The following KIF11 variants were observed in gnomAD, a reference collection of about 807,000 sequenced individuals.
KIF11 encodes kinesin-like protein KIF11.
In KIF11, 9 loss-of-function variants were observed where a neutral mutation model predicts 121.0. The observed-to-expected ratio is 0.07, with a 90% CI of 0.04 to 0.13. KIF11 has a LOEUF of 0.13. Among genes scored for constraint, KIF11 ranks in the 10% least tolerant of loss-of-function variants. The pLI, the probability that KIF11 is intolerant of heterozygous loss-of-function variation, is 1.00. For missense variants in KIF11, 846 were observed against 1,217.5 expected (o/e 0.69, Z 4.54); for synonymous variants, 408 against 421.0 (o/e 0.97, Z 0.38).
chr10:92,606,322 T>C lies in KIF11; in HGVS notation c.135T>C (p.Pro45=). The change falls in exon 2 of 22, where the codon CCT becomes CCC. Residue 45 remains proline (P), a synonymous_variant. Transcript: ENST00000260731. ...ASAHSIVECD[P]VRKEVSVRTG... is the part of the protein sequence containing the mutation. ...CCCATTCAATAGTAGAATGTGATCC[T>C]GTACGAAAAGAAGTTAGTGTACGAA... 6 of 1,612,214 alleles carry C rather than the reference T, an allele frequency of 3.7e-6. No homozygotes were observed. Among genetic ancestry groups the C allele is most frequent in the South Asian group, 1.1e-5 (1 of 90,604 alleles).
intron 19 of KIF11, 26 bp downstream of exon 19, chr10:92,648,460 T>C: frequency 1.4e-6 from 2 of 1,454,182 alleles, no homozygotes; most frequent in Non-Finnish European, 9.4e-7. Context: ...AATAGAATTG[T>C]TAAATTTTTT....
At chr10:92,594,601 A>T (rs765706220) in intron 1 of KIF11, among the ~76,000 whole-genome samples, 7 of 152,216 alleles carry the variant, frequency 4.6e-5, no homozygotes, top group Non-Finnish European at 1.0e-4. Context: ...TGTTAGTTAC[A>T]AAATATTTCA....
chr10:92,617,004 A>G (rs1045429543), intron 9 of KIF11, among the ~76,000 whole-genome samples, 172 bp downstream of exon 9: 17 of 152,198 alleles, frequency 1.1e-4, no homozygotes, highest in Non-Finnish European at 2.1e-4. Flanking sequence ...TTCTAATGCT[A>G]GTATGTTGAC....
At chr10:92,620,369 C>T (rs1376777726) in intron 9 of KIF11, among the ~76,000 whole-genome samples, 5 of 152,216 alleles carry the variant, frequency 3.3e-5, no homozygotes, top group South Asian at 2.1e-4. Context: ...CGTGAGCCAC[C>T]GCGTCCGGCC....
In KIF11 at chr10:92,655,336, T is replaced by G. The variant is rs1845035133; in HGVS notation, c.*1540T>G. ...ATCAGATGTCAGCATAAGCGATGGA[T>G]AATACCTAATAAACTGCCCTCAGTA... On this transcript the variant is annotated 3_prime_UTR_variant, in exon 22 of 22. Transcript: ENST00000260731. The G allele has an allele frequency of 6.6e-6, 1 of 152,224 alleles. No homozygotes were observed. Among genetic ancestry groups the G allele is most frequent in the Admixed American group, 6.5e-5 (1 of 15,280 alleles). The allele number at this position is 152,224 out of a possible 1,614,324, so 9.4% of individuals were successfully genotyped here.
Position 92,639,883 on chromosome 10 carries a change from C to T in KIF11, c.2250C>T (p.Val750=), listed in dbSNP as rs773845590. The stretch of plus-strand genomic sequence containing the variant: ...ATATACAGAAACCACTTAGTAGTGT[C>T]CAGGAAAATATACAGCAGTAAGCTA... ...CENIQKPLSS[V]QENIQQKSKD... Residue 750 remains valine (V), a synonymous_variant, in exon 17 of 22, where the codon GTC becomes GTT. Transcript: ENST00000260731. The T allele has an allele frequency of 6.3e-7, 1 of 1,581,894 alleles. No homozygotes were observed. Among genetic ancestry groups the T allele is most frequent in the South Asian group, 1.1e-5 (1 of 89,582 alleles).
At chr10:92,620,102 A>T (rs1844601488) in intron 9 of KIF11, among the ~76,000 whole-genome samples, 1 of 131,546 alleles carries the variant, frequency 7.6e-6, no homozygotes, top group African/African-American at 2.9e-5. Context: ...TTTTTTTGAG[A>T]CGGAGTCTCG....
chr10:92,647,440 TTA>T (rs1001522785), intron 18 of KIF11, among the ~76,000 whole-genome samples: 5 of 152,180 alleles, frequency 3.3e-5, no homozygotes, highest in African/African-American at 1.2e-4. Flanking sequence ...GGATGATAAA[TTA>T]TATAGTCACC....
intron 10 of KIF11, among the ~76,000 whole-genome samples, chr10:92,624,218 T>A (rs2135911244): frequency 6.6e-6 from 1 of 150,726 alleles, no homozygotes. Context: ...GCAAAGAACA[T>A]GATCTCATTC....
Position 92,653,843 on chromosome 10 carries a change from AAAACCTG to A in KIF11, c.*53_*59del. On this transcript the variant is annotated 3_prime_UTR_variant, in exon 22 of 22. Transcript: ENST00000260731. The stretch of plus-strand genomic sequence containing the variant: ...TTATTTTTAAAGAAAACTTAAAAAT[AAAACCTG>A]AAACCCCAGAACTTGAGCCTTGTGT... 6.5e-7 allele frequency: 1 copy of A among 1,540,334 alleles called. No individual in the cohort carries two copies. The highest frequency in any genetic ancestry group is 8.9e-7 in the Non-Finnish European group (1 of 1,126,836).
intron 14 of KIF11, among the ~76,000 whole-genome samples, chr10:92,634,680 T>C (rs1156625077): frequency 6.6e-6 from 1 of 152,224 alleles, no homozygotes. Context: ...TTTTCACTCA[T>C]GTCTTGTAAC....
chr10:92,647,662 G>A (rs1316858652), intron 18 of KIF11, among the ~76,000 whole-genome samples: 1 of 152,126 alleles, frequency 6.6e-6, no homozygotes, highest in Non-Finnish European at 1.5e-5. Context: ...AAATGATACA[G>A]GATTTGTTTC....
chr10:92,594,229 T>C (rs1844266993), intron 1 of KIF11, among the ~76,000 whole-genome samples: 1 of 152,252 alleles, frequency 6.6e-6, no homozygotes, highest in African/African-American at 2.4e-5. Context: ...CTGTTGCAAC[T>C]TTTCTGTAAA....
At chr10:92,650,605 C>A in intron 21 of KIF11, 88 bp downstream of exon 21, 1 of 751,758 alleles carries the variant, frequency 1.3e-6, no homozygotes. Context: ...GTGAGCAGAA[C>A]AACAAAAACC....
At position 92,641,965 on chromosome 10, in the gene KIF11, T is replaced by C. The variant is rs148626814; in HGVS notation, c.2267+2065T>C. Among the ~76,000 whole-genome samples the C allele has an allele frequency of 6.6e-3, 1,007 of 152,310 alleles. 10 individuals are homozygous for C. Among genetic ancestry groups the C allele is most frequent in the African/African-American group, 0.023 (958 of 41,582 alleles). On this transcript the variant is annotated intron_variant, in intron 17 of 21. Transcript: ENST00000260731. ...TTCAATGAGGTGTTTTTTCAGTTATTGCTTTTTTATTTTTAGTTTTATAAT... is the reference window on the plus strand; with the variant it reads ...TTCAATGAGGTGTTTTTTCAGTTATCGCTTTTTTATTTTTAGTTTTATAAT...
In KIF11 at chr10:92,593,326, C is replaced by G; in HGVS notation, c.-50C>G. ...TCGGCCGCCAAGCCCCTCCGCCCCT[C>G]ACAGCGCCCAGGTCCGCGGCCGGGC... is the stretch of plus-strand genomic sequence containing the variant. On this transcript the variant is annotated 5_prime_UTR_variant, in exon 1 of 22. Coordinates refer to ENST00000260731, the MANE Select transcript of KIF11 (RefSeq NM_004523.4). 1.3e-6 allele frequency: 2 copies of G among 1,562,580 alleles called. No individual in the cohort carries two copies. The highest frequency in any genetic ancestry group is 1.7e-6 in the Non-Finnish European group (2 of 1,151,958).
At chr10:92,612,090 A>G (rs1490624215) in intron 6 of KIF11, among the ~76,000 whole-genome samples, 1 of 151,652 alleles carries the variant, frequency 6.6e-6, no homozygotes, top group East Asian at 1.9e-4. Context: ...GATAAAAAGC[A>G]CAGTATTTGT....
At chr10:92,624,222 C>A (rs1341804837) in intron 10 of KIF11, among the ~76,000 whole-genome samples, 1 of 143,816 alleles carries the variant, frequency 7.0e-6, no homozygotes, top group Non-Finnish European at 1.5e-5. Flanking sequence ...AGAACATGAT[C>A]TCATTCTTTT....
intron 6 of KIF11, among the ~76,000 whole-genome samples, chr10:92,612,228 T>G (rs986262158): frequency 1.3e-5 from 2 of 152,092 alleles, no homozygotes; most frequent in African/African-American, 4.8e-5. Flanking sequence ...CTTGACCTCC[T>G]GGGCTAAAGT....
Sources: allele counts gnomAD v4.1 joint callset (sites outside exome capture counted in the v4.1 genomes callset), GRCh38; gene constraint gnomAD v4.1.1; transcripts MANE v1.5; gene names NCBI Gene and HGNC (gene_info 2026-07-23, HGNC 2026-07-21).